Variants in SCARB1 observed in about 807,000 individuals in gnomAD.
SCARB1 encodes scavenger receptor class B member 1, also known as CD36 and LIMPII analogous 1.
In SCARB1, 30 loss-of-function variants were observed where a neutral mutation model predicts 57.2. That is an observed-to-expected ratio of 0.52 (90% confidence interval 0.39 to 0.71). The LOEUF is 0.71. Ranked by LOEUF, SCARB1 falls within the 30% of genes least tolerant of loss-of-function variation. The probability of loss-of-function intolerance (pLI) is 0.00; values close to 1 mark genes in which losing one functional copy is unlikely to be tolerated. For missense variants in SCARB1, 543 were observed against 671.2 expected, an observed-to-expected ratio of 0.81 and a Z score of 2.11; for synonymous variants, 249 against 268.3, an observed-to-expected ratio of 0.93 and a Z score of 0.70.
chr12:124,782,952 G>T, intron 11 of SCARB1, 141 bp from the exon 12 acceptor site: 1 of 827,432 alleles, frequency 1.2e-6, no homozygotes, highest in Non-Finnish European at 2.0e-6. Context: ...AACGATTGCA[G>T]GTGGCTGAGA....
intron 2 of SCARB1, among the ~76,000 whole-genome samples, chr12:124,815,323 G>A (rs1950670181): frequency 6.6e-6 from 1 of 152,132 alleles, no homozygotes; most frequent in Non-Finnish European, 1.5e-5. Flanking sequence ...CGCCCACCCG[G>A]CCTCGTTCTG....
chr12:124,800,202 A>G lies in SCARB1; in HGVS notation c.1050T>C (p.Ala350=), dbSNP rs5888. ...TCACCGCTTCTGCCAGAACCGGGTC[A>G]GCGTTGAGGAAGTGAGGATGGGAGA... is the stretch of plus-strand genomic sequence containing the variant. ...LFLSHPHFLN[A]DPVLAEAVTG... The change falls in exon 8 of 13, where the codon GCT becomes GCC. Residue 350 remains alanine, a synonymous_variant. Transcript: ENST00000261693. This position sits in a 1 kb window ranked among gnomAD's most constrained non-coding sequence, Gnocchi z 4.8. 0.55 allele frequency: 884,965 copies of G among 1,612,832 alleles called. 248,441 individuals are homozygous for G. Among genetic ancestry groups the G allele is most frequent in the African/African-American group, 0.82 (61,182 of 74,966 alleles).
intron 1 of SCARB1, among the ~76,000 whole-genome samples, chr12:124,824,003 A>T (rs558490337): frequency 6.7e-6 from 1 of 148,414 alleles, no homozygotes; most frequent in East Asian, 2.0e-4. Flanking sequence ...CGCCTCTATT[A>T]AAAAAAAAAT....
chr12:124,780,083 C>T (rs1873151102), intron 12 of SCARB1, among the ~76,000 whole-genome samples: 1 of 152,246 alleles, frequency 6.6e-6, no homozygotes, highest in Non-Finnish European at 1.5e-5. Context: ...CCGCAGGTGC[C>T]AGAGGGTGAA....
Position 124,812,024 on chromosome 12 carries a change from G to A in SCARB1, c.631-59C>T. The A allele has an allele frequency of 7.5e-7, 1 of 1,334,126 alleles. No individual in the cohort carries two copies. Among genetic ancestry groups the A allele is most frequent in the South Asian group, 1.2e-5 (1 of 80,592 alleles). The allele number at this position is 1,334,126 out of a possible 1,614,324, so 82.6% of individuals were successfully genotyped here. Reference sequence around the variant, plus strand: ...TTAGGCCTGCCATTGAGCCGGCCTGGTCTGAACATTCTGGGCTGAGCCCTC... The same window carrying A: ...TTAGGCCTGCCATTGAGCCGGCCTGATCTGAACATTCTGGGCTGAGCCCTC... On this transcript the variant is annotated intron_variant, in intron 4 of 12. Transcript: ENST00000261693. This position sits in a 1 kb window ranked among gnomAD's most constrained non-coding sequence, Gnocchi z 4.3.
intron 1 of SCARB1, among the ~76,000 whole-genome samples, chr12:124,843,680 T>G (rs1425558767): frequency 6.6e-6 from 1 of 152,010 alleles, no homozygotes; most frequent in Non-Finnish European, 1.5e-5. Context: ...GATCCCAAGA[T>G]GAGATCATCC....
intron 2 of SCARB1, 143 bp from the exon 3 acceptor site, chr12:124,815,257 C>A (rs969004865): frequency 3.2e-6 from 3 of 950,674 alleles, no homozygotes; most frequent in African/African-American, 1.6e-5. Context: ...CTGAGCTCGG[C>A]CCCTTCGCCA....
Position 124,822,497 on chromosome 12 carries a change from C to A in SCARB1, c.127-4790G>T, listed in dbSNP as rs761754173. Among the ~76,000 whole-genome samples the A allele has an allele frequency of 6.6e-6, 1 of 152,190 alleles. No homozygotes were observed. Among genetic ancestry groups the A allele is most frequent in the East Asian group, 1.9e-4 (1 of 5,190 alleles). On this transcript the variant is annotated intron_variant, in intron 1 of 12. Transcript: ENST00000261693. This position sits in a 1 kb window ranked among gnomAD's most constrained non-coding sequence, Gnocchi z 5.0. ...AGAGAGAAGCCAGACCAGTGGCTGC[C>A]GGGGACCGGGATGGAGGGAGGGGAC...
intron 1 of SCARB1, among the ~76,000 whole-genome samples, chr12:124,841,232 C>T (rs61005347): frequency 0.023 from 3,491 of 152,140 alleles, 140 homozygotes; most frequent in East Asian, 0.087. Flanking sequence ...ATTAGCCGGG[C>T]GTGGTGGCGG....
intron 1 of SCARB1, among the ~76,000 whole-genome samples, chr12:124,834,121 T>A (rs112966238): frequency 7.2e-5 from 11 of 152,120 alleles, no homozygotes; most frequent in African/African-American, 2.2e-4. Flanking sequence ...CTCAGCCACA[T>A]GGGAGGAAGA....
At chr12:124,808,565 C>T (rs1364284687) in intron 6 of SCARB1, among the ~76,000 whole-genome samples, 1 of 152,216 alleles carries the variant, frequency 6.6e-6, no homozygotes, top group East Asian at 1.9e-4. Context: ...ATCCACCAGA[C>T]TTCAGCCCTT....
chr12:124,820,712 A>C (rs1365024524), intron 1 of SCARB1, among the ~76,000 whole-genome samples: 1 of 152,180 alleles, frequency 6.6e-6, no homozygotes, highest in Non-Finnish European at 1.5e-5. Context: ...TAGAAAACAC[A>C]GCATCAAAAC....
chr12:124,824,265 G>C (rs900012185), intron 1 of SCARB1, among the ~76,000 whole-genome samples: 3 of 152,072 alleles, frequency 2.0e-5, no homozygotes, highest in Non-Finnish European at 4.4e-5. Flanking sequence ...TCAAAAACCT[G>C]ACATGGAGTG....
At chr12:124,841,542 T>C (rs1951911642) in intron 1 of SCARB1, among the ~76,000 whole-genome samples, 1 of 149,198 alleles carries the variant, frequency 6.7e-6, no homozygotes, top group Non-Finnish European at 1.5e-5. Context: ...GAACCCTCCA[T>C]GGAATTGAAA....
intron 1 of SCARB1, among the ~76,000 whole-genome samples, chr12:124,823,804 A>C (rs1008860669): frequency 6.6e-6 from 1 of 152,210 alleles, no homozygotes; most frequent in African/African-American, 2.4e-5. Context: ...AAAGGAATGC[A>C]TGGGTTGGCT....
rs1950567210 is a variant in SCARB1, at chr12:124,812,564, C to T, written c.631-599G>A. 6.6e-6 allele frequency among the ~76,000 whole-genome samples: 1 copy of T among 152,242 alleles called. No individual in the cohort carries two copies. The highest frequency in any genetic ancestry group is 1.5e-5 in the Non-Finnish European group (1 of 68,040). On this transcript the variant is annotated intron_variant, in intron 4 of 12. Coordinates refer to ENST00000261693, the MANE Select transcript of SCARB1 (RefSeq NM_005505.5). This position sits in a 1 kb window ranked among gnomAD's most constrained non-coding sequence, Gnocchi z 4.3. ...TGCTTGTCACAGCAGCAAAACCTGG[C>T]CTGTCCTAACCCATCGAGGTTCTTG... is the stretch of plus-strand genomic sequence containing the variant.
At chr12:124,841,860 T>C (rs1375062847) in intron 1 of SCARB1, among the ~76,000 whole-genome samples, 1 of 152,132 alleles carries the variant, frequency 6.6e-6, no homozygotes, top group Admixed American at 6.5e-5. Context: ...ACCTCTTCCA[T>C]GTGCTTCTCC....
chr12:124,861,477 T>TA (rs66926773), intron 1 of SCARB1, among the ~76,000 whole-genome samples: 26 of 150,754 alleles, frequency 1.7e-4, no homozygotes, highest in East Asian at 3.9e-4. Context: ...AAAAGCACAT[T>TA]AAAAAAAAAA....
At chr12:124,782,462 A>T (rs911578797) in intron 12 of SCARB1, among the ~76,000 whole-genome samples, 3 of 152,206 alleles carry the variant, frequency 2.0e-5, no homozygotes, top group African/African-American at 7.2e-5. Context: ...CCCACAGAAT[A>T]CAAGTTGCCC....
Sources: allele counts gnomAD v4.1 joint callset (sites outside exome capture counted in the v4.1 genomes callset), GRCh38; gene constraint gnomAD v4.1.1; non-coding constraint Gnocchi (gnomAD v3.1); transcripts MANE v1.5; gene names NCBI Gene and HGNC (gene_info 2026-07-23, HGNC 2026-07-21).